Variants in LINGO2 observed in about 807,000 individuals in gnomAD.
LINGO2 encodes the protein leucine rich repeat and Ig domain containing 2, also known as leucine-rich repeat and immunoglobulin-like domain-containing nogo receptor-interacting protein 2.
Under a neutral mutation model 30.6 loss-of-function variants are expected in LINGO2, and 14 were observed. The ratio of observed to expected loss-of-function variants is 0.46; its 90% CI spans 0.30 to 0.72. LINGO2 has a LOEUF of 0.72. Among genes scored for constraint, LINGO2 ranks in the 30% least tolerant of loss-of-function variants. LINGO2 has a pLI of 0.07. For missense variants in LINGO2, 729 were observed against 751.7 expected, an observed-to-expected ratio of 0.97 and a Z score of 0.35; for synonymous variants, 317 against 288.5, an observed-to-expected ratio of 1.10 and a Z score of -1.00.
At chr9:28,021,673 G>A (rs1056485653) in intron 4 of LINGO2, among the ~76,000 whole-genome samples, 3 of 152,004 alleles carry the variant, frequency 2.0e-5, no homozygotes, top group African/African-American at 7.2e-5. Context: ...ATGCTTTGTG[G>A]TTAGGTACAC....
intron 4 of LINGO2, among the ~76,000 whole-genome samples, chr9:28,085,792 G>A (rs968020840): frequency 6.6e-5 from 10 of 152,100 alleles, no homozygotes; most frequent in African/African-American, 2.2e-4. Context: ...CTCAAGAATA[G>A]TGTGTGGTTA....
chr9:29,058,388 T>G, the LINGO2 span, among the ~76,000 whole-genome samples: 1 of 152,096 alleles, frequency 6.6e-6, no homozygotes, highest in Non-Finnish European at 1.5e-5. Context: ...CAATAGAAGA[T>G]ATCCAAATTG....
chr9:28,036,885 C>T (rs1823962369), intron 4 of LINGO2, among the ~76,000 whole-genome samples: 1 of 152,170 alleles, frequency 6.6e-6, no homozygotes, highest in South Asian at 2.1e-4. Context: ...TCAGCCTCAA[C>T]AAAAGGTCTG....
chr9:28,486,207 T>C (rs1414460429), intron 1 of LINGO2, among the ~76,000 whole-genome samples: 8 of 152,128 alleles, frequency 5.3e-5, no homozygotes, highest in Non-Finnish European at 8.8e-5. Context: ...AATAATCTGC[T>C]TGAGGGTAAC....
intron 4 of LINGO2, among the ~76,000 whole-genome samples, chr9:28,047,268 C>T (rs778970836): frequency 9.2e-5 from 14 of 152,170 alleles, no homozygotes; most frequent in Non-Finnish European, 1.6e-4. Context: ...ACTCTTTGGT[C>T]GGAGCTTGCC....
intron 1 of LINGO2, among the ~76,000 whole-genome samples, chr9:28,582,064 T>C (rs1221426286): frequency 6.6e-6 from 1 of 152,032 alleles, no homozygotes; most frequent in Non-Finnish European, 1.5e-5. Context: ...CTAAGTCCTA[T>C]ATTGAGCTCA....
At chr9:28,929,657 C>T in the LINGO2 span, among the ~76,000 whole-genome samples, 2 of 152,134 alleles carry the variant, frequency 1.3e-5, no homozygotes, top group Non-Finnish European at 1.5e-5. Context: ...ATTTCTTTCC[C>T]CCATGACATC....
chr9:28,967,738 T>C, the LINGO2 span, among the ~76,000 whole-genome samples: 3 of 152,174 alleles, frequency 2.0e-5, no homozygotes, highest in Admixed American at 1.3e-4. Flanking sequence ...TAGGATGTAT[T>C]TCTGATAGAC....
chr9:29,114,764 T>C, the LINGO2 span, among the ~76,000 whole-genome samples: 1 of 151,722 alleles, frequency 6.6e-6, no homozygotes, highest in South Asian at 2.1e-4. Context: ...TAGTATTCCA[T>C]GGTGTATATG....
At chr9:28,492,987 A>T (rs1170281083) in intron 1 of LINGO2, among the ~76,000 whole-genome samples, 22 of 152,168 alleles carry the variant, frequency 1.4e-4, no homozygotes, top group Non-Finnish European at 3.2e-4. Flanking sequence ...CAAATAATAG[A>T]AAACCCAAAG....
intron 4 of LINGO2, among the ~76,000 whole-genome samples, chr9:28,213,933 A>G (rs987343254): frequency 2.0e-5 from 3 of 151,516 alleles, no homozygotes; most frequent in African/African-American, 4.8e-5. Flanking sequence ...TCAATTTTAT[A>G]TTTTAAAAGA....
At chr9:28,182,074 C>G (rs1819364383) in intron 4 of LINGO2, among the ~76,000 whole-genome samples, 1 of 152,068 alleles carries the variant, frequency 6.6e-6, no homozygotes, top group African/African-American at 2.4e-5. Context: ...TACTACAAGG[C>G]TACAGTAACC....
chr9:27,971,181 T>C (rs543955020), intron 5 of LINGO2, among the ~76,000 whole-genome samples: 4 of 152,022 alleles, frequency 2.6e-5, no homozygotes, highest in African/African-American at 9.6e-5. Flanking sequence ...TCACAATCTA[T>C]CTTTTTTCCC....
At chr9:28,536,092 C>T (rs561096688) in intron 1 of LINGO2, among the ~76,000 whole-genome samples, 13 of 152,036 alleles carry the variant, frequency 8.6e-5, no homozygotes, top group African/African-American at 2.9e-4. Context: ...GTATCCTTGA[C>T]TAAAAATGAA....
At chr9:27,991,329 C>G (rs538301011) in intron 5 of LINGO2, among the ~76,000 whole-genome samples, 1 of 151,934 alleles carries the variant, frequency 6.6e-6, no homozygotes, top group Non-Finnish European at 1.5e-5. Flanking sequence ...TTTTCTCTCC[C>G]GGATGATTTG....
chr9:28,346,469 T>G (rs1371779895), intron 3 of LINGO2, among the ~76,000 whole-genome samples: 6 of 152,154 alleles, frequency 3.9e-5, no homozygotes, highest in Admixed American at 2.6e-4. Context: ...TCCATGTCTT[T>G]GCTATTGTGA....
intron 1 of LINGO2, among the ~76,000 whole-genome samples, chr9:28,522,362 A>T (rs1476929076): frequency 6.6e-6 from 1 of 152,140 alleles, no homozygotes; most frequent in African/African-American, 2.4e-5. Context: ...TCCTCTTTAT[A>T]AAGAGTAGAA....
rs143279409 is a variant in LINGO2, at chr9:28,248,842, G to A, written c.-87+46366C>T. ...AGAAAAGTTAACTTGCTAGTGTTGA[G>A]AAACAGTAATGCCTATAAAGAAACT... is the stretch of plus-strand genomic sequence containing the variant. On this transcript the variant is annotated intron_variant, in intron 4 of 5. Transcript: ENST00000379992. Among the ~76,000 whole-genome samples the A allele has an allele frequency of 6.5e-3, 996 of 152,246 alleles. 5 individuals carry two copies. The highest frequency in any genetic ancestry group is 1.0e-2 in the Non-Finnish European group (678 of 67,998).
Position 28,236,048 on chromosome 9 carries a change from A to T in LINGO2, c.-87+59160T>A, listed in dbSNP as rs1315058998. ...CAAGGCATGTAATAATCAAACTCCC[A>T]AAGGTCAAGGATAAAGAAAGGATCC... On this transcript the variant is annotated intron_variant, in intron 4 of 5. Transcript: ENST00000379992. Among the ~76,000 whole-genome samples, 6 of 152,308 alleles carry T rather than the reference A, an allele frequency of 3.9e-5. No homozygotes were observed. In the East Asian group the frequency reaches 1.2e-3, roughly 29 times the overall value.
Sources: allele counts gnomAD v4.1 joint callset (sites outside exome capture counted in the v4.1 genomes callset), GRCh38; gene constraint gnomAD v4.1.1; transcripts MANE v1.5; gene names NCBI Gene and HGNC (gene_info 2026-07-23, HGNC 2026-07-21).